WIPI2: variants seen among roughly 807,000 people sequenced by gnomAD.
WIPI2 encodes the protein WD repeat domain, phosphoinositide interacting 2.
Under a neutral mutation model 52.3 loss-of-function variants are expected in WIPI2, and 28 were observed. That is an observed-to-expected ratio of 0.54 (90% CI 0.40 to 0.73). The LOEUF is 0.73. Ranked by LOEUF, WIPI2 falls within the 30% of genes least tolerant of loss-of-function variation. The pLI is 0.00. For missense variants in WIPI2, 506 were observed against 602.9 expected (o/e 0.84, Z 1.68); for synonymous variants, 268 against 245.0 (o/e 1.09, Z -0.88).
At chr7:5,205,298 T>G (rs1324734958) in intron 3 of WIPI2, among the ~76,000 whole-genome samples, 2 of 152,122 alleles carry the variant, frequency 1.3e-5, no homozygotes, top group African/African-American at 4.8e-5. Flanking sequence ...TCTTAAGTAA[T>G]GACAAAAATA....
chr7:5,219,708 G>A (rs1256028220), intron 7 of WIPI2, among the ~76,000 whole-genome samples: 1 of 152,220 alleles, frequency 6.6e-6, no homozygotes, highest in Admixed American at 6.5e-5. Context: ...AGGCTGCAGA[G>A]GACAAAACCT....
At chr7:5,217,555 C>T (rs1782880732) in intron 6 of WIPI2, 1 of 399,728 alleles carries the variant, frequency 2.5e-6, no homozygotes. Flanking sequence ...CCTCGGCCCC[C>T]TAAAGTGCTG....
Position 5,229,604 on chromosome 7 carries a change from C to T in WIPI2, c.1122-4C>T, listed in dbSNP as rs746345302. On this transcript the variant is annotated splice_polypyrimidine_tract_variant and splice_region_variant and intron_variant, in intron 11 of 12. Coordinates refer to ENST00000288828, the MANE Select transcript of WIPI2 (RefSeq NM_015610.4). ...GCTGAGCTGTGTCGCTTTCTTCCCT[C>T]CAGGCTGGACGGCAGTCTGGAAACG... 1 of 1,612,460 alleles carries T rather than the reference C, an allele frequency of 6.2e-7. No homozygotes were observed. Among genetic ancestry groups the T allele is most frequent in the South Asian group, 1.1e-5 (1 of 90,716 alleles).
chr7:5,205,133 G>A (rs1296716923), intron 3 of WIPI2, among the ~76,000 whole-genome samples: 3 of 152,048 alleles, frequency 2.0e-5, no homozygotes, highest in Admixed American at 6.6e-5. Flanking sequence ...GCACCACCAC[G>A]CCCGGCTACA....
At chr7:5,223,780 TTGGTAAA>T (rs1474780685) in intron 8 of WIPI2, among the ~76,000 whole-genome samples, 1 of 152,124 alleles carries the variant, frequency 6.6e-6, no homozygotes, top group South Asian at 2.1e-4. Context: ...ACTCCCCATC[TTGGTAAA>T]TAGCGCCACT....
Position 5,232,253 on chromosome 7 carries a change from G to A in WIPI2, c.*1306G>A. The A allele has an allele frequency of 2.5e-6, 1 of 398,694 alleles. No homozygotes were observed. The highest frequency in any genetic ancestry group is 1.3e-4 in the South Asian group (1 of 7,862). The allele number at this position is 398,694 out of a possible 1,614,324, so 24.7% of individuals were successfully genotyped here. A position where few individuals can be genotyped will look rare whatever the true frequency, so the allele number is the denominator to read the frequency against. On this transcript the variant is annotated 3_prime_UTR_variant, in exon 13 of 13. Coordinates refer to ENST00000288828, the MANE Select transcript of WIPI2 (RefSeq NM_015610.4). ...AGGCTGGGGTTTTTGAACCGAGGAAGGCTGGGACGCCTGTTTCCAGATGGT... is the reference window on the plus strand; with the variant it reads ...AGGCTGGGGTTTTTGAACCGAGGAAAGCTGGGACGCCTGTTTCCAGATGGT...
chr7:5,205,871 G>A (rs1479332735), intron 3 of WIPI2, among the ~76,000 whole-genome samples: 1 of 107,788 alleles, frequency 9.3e-6, no homozygotes, highest in Non-Finnish European at 1.8e-5. Flanking sequence ...ATGCAGTCAT[G>A]TGCTGCCACT....
At position 5,190,389 on chromosome 7, in the gene WIPI2, C is replaced by G. The variant is rs1447426134; in HGVS notation, c.-31C>G. The stretch of plus-strand genomic sequence containing the variant: ...ACCCGCCCTCGCGCGCGCGCCCTCC[C>G]CGGCCGGGCCCACTCGCCGCGCGCC... On this transcript the variant is annotated 5_prime_UTR_variant, in exon 1 of 13. Transcript: ENST00000288828. 5.2e-6 allele frequency: 7 copies of G among 1,342,396 alleles called. No homozygotes were observed. Among genetic ancestry groups the G allele is most frequent in the Non-Finnish European group, 6.7e-6 (7 of 1,043,632 alleles). The allele number at this position is 1,342,396 out of a possible 1,614,324, so 83.2% of individuals were successfully genotyped here.
At chr7:5,214,196 A>G in intron 3 of WIPI2, 1 of 1,154,624 alleles carries the variant, frequency 8.7e-7, no homozygotes, top group Non-Finnish European at 1.1e-6. Flanking sequence ...GTCTTAATTA[A>G]GGGAGCCCCT....
intron 7 of WIPI2, among the ~76,000 whole-genome samples, chr7:5,221,029 T>C (rs1783098494): frequency 6.7e-6 from 1 of 148,782 alleles, no homozygotes. Context: ...AGTGGTATGA[T>C]CTCGGCTCAC....
rs749588048 is a variant in WIPI2 at position 5,216,773 on chromosome 7, A to G, written c.478+114A>G. 7.6e-6 allele frequency: 8 copies of G among 1,059,342 alleles called. No individual in the cohort carries two copies. The Admixed American group carries it at 1.2e-4, about 16-fold the overall frequency. The allele number at this position is 1,059,342 out of a possible 1,614,324, so 65.6% of individuals were successfully genotyped here. A position where few individuals can be genotyped will look rare whatever the true frequency, so the allele number is the denominator to read the frequency against. ...GGTTCCGCAGATGAGACAGATTTTA[A>G]AAGTATTGATCCCAAACCAAGCTGC... On this transcript the variant is annotated intron_variant, in intron 5 of 12. Transcript: ENST00000288828.
rs529191336 is a variant in WIPI2 at position 5,200,317 on chromosome 7, G to A, written c.211+659G>A. On this transcript the variant is annotated intron_variant, in intron 3 of 12. Transcript: ENST00000288828. ...AAAGCCTGTGATGGAGACTGTGACT[G>A]GAAGCTTTGGACCCTTTCCACGTGC... Among the ~76,000 whole-genome samples, 489 of 152,276 alleles carry A rather than the reference G, an allele frequency of 3.2e-3. 1 individual carries two copies. Among genetic ancestry groups the A allele is most frequent in the African/African-American group, 0.011 (475 of 41,552 alleles).
At chr7:5,220,781 A>G (rs1334553190) in intron 7 of WIPI2, among the ~76,000 whole-genome samples, 1 of 151,218 alleles carries the variant, frequency 6.6e-6, no homozygotes, top group Non-Finnish European at 1.5e-5. Context: ...CAGCTTAGAT[A>G]GTCTTTTCTT....
rs1456989560 is a variant in WIPI2 at position 5,190,510 on chromosome 7, G to A, written c.74+17G>A. On this transcript the variant is annotated intron_variant, in intron 1 of 12. Coordinates refer to ENST00000288828, the MANE Select transcript of WIPI2 (RefSeq NM_015610.4). Reference sequence around the variant, plus strand: ...GGACAACACGTAAGGCCGGGGTCGGGGGTCGGAGTCGGGGTGAGGCCAGGG... The same window carrying A: ...GGACAACACGTAAGGCCGGGGTCGGAGGTCGGAGTCGGGGTGAGGCCAGGG... The A allele has an allele frequency of 2.0e-6, 3 of 1,492,978 alleles. No homozygotes were observed. The highest frequency in any genetic ancestry group is 2.2e-5 in the Admixed American group (1 of 44,468). The allele number at this position is 1,492,978 out of a possible 1,614,324, so 92.5% of individuals were successfully genotyped here. A position where few individuals can be genotyped will look rare whatever the true frequency, so the allele number is the denominator to read the frequency against.
intron 9 of WIPI2, chr7:5,226,896 A>C (rs1462883217): frequency 3.6e-5 from 15 of 418,704 alleles, no homozygotes; most frequent in Non-Finnish European, 4.3e-6. Context: ...ACGTCCTCAC[A>C]CCCTTGCAAA....
At chr7:5,221,623 T>TC (rs1783133176) in intron 7 of WIPI2, among the ~76,000 whole-genome samples, 1 of 152,194 alleles carries the variant, frequency 6.6e-6, no homozygotes, top group Non-Finnish European at 1.5e-5. Flanking sequence ...CTCTGTTTAT[T>TC]CCCCCAGATG....
At chr7:5,200,240 G>C (rs985408204) in intron 3 of WIPI2, among the ~76,000 whole-genome samples, 2 of 152,168 alleles carry the variant, frequency 1.3e-5, no homozygotes, top group African/African-American at 4.8e-5. Context: ...GCCAGGATTA[G>C]AGATTATGTA....
chr7:5,191,365 C>G (rs889277904), intron 1 of WIPI2, among the ~76,000 whole-genome samples: 1 of 152,174 alleles, frequency 6.6e-6, no homozygotes, highest in Non-Finnish European at 1.5e-5. Flanking sequence ...TCTTCTCCAG[C>G]AAGTAACAAA....
chr7:5,226,986 C>T (rs566212387), intron 9 of WIPI2, 194 bp from the exon 10 acceptor site: 9 of 688,532 alleles, frequency 1.3e-5, no homozygotes, highest in Middle Eastern at 4.2e-4. Context: ...ACCCCTCCCC[C>T]GACACCTCCC....
Sources: allele counts gnomAD v4.1 joint callset (sites outside exome capture counted in the v4.1 genomes callset), GRCh38; gene constraint gnomAD v4.1.1; transcripts MANE v1.5; gene names NCBI Gene and HGNC (gene_info 2026-07-23, HGNC 2026-07-21).